KALRN: variants seen among roughly 807,000 people sequenced by gnomAD.
KALRN encodes the protein kalirin.
In KALRN, 70 loss-of-function variants were observed where a neutral mutation model predicts 353.7. That is an observed-to-expected ratio of 0.20 (90% CI 0.16 to 0.24). The LOEUF (loss-of-function observed/expected upper bound fraction) is 0.24. Ranked by LOEUF, KALRN falls within the 10% of genes least tolerant of loss-of-function variation. The pLI is 1.00. For missense variants in KALRN, 2,791 were observed against 3,756.7 expected (o/e 0.74, Z 6.72); for synonymous variants, 1,391 against 1,434.8 (o/e 0.97, Z 0.69).
intron 3 of KALRN, among the ~76,000 whole-genome samples, chr3:124,247,899 C>G (rs2070549761): frequency 6.6e-6 from 1 of 152,116 alleles, no homozygotes; most frequent in South Asian, 2.1e-4. Context: ...AAAAAGTCTC[C>G]CCCTCGCCTT....
intron 31 of KALRN, among the ~76,000 whole-genome samples, chr3:124,492,365 T>G (rs2063258925): frequency 1.3e-5 from 2 of 152,152 alleles, no homozygotes; most frequent in Admixed American, 1.3e-4. Context: ...ATGCTGCCCC[T>G]CCCAGTGCCC....
rs78943373 is a variant in KALRN at position 124,598,193 on chromosome 3, T to C, written c.5183-34227T>C. Among the ~76,000 whole-genome samples the C allele has an allele frequency of 9.6e-3, 1,459 of 152,356 alleles. 23 individuals are homozygous for C. The highest frequency in any genetic ancestry group is 0.033 in the African/African-American group (1,369 of 41,588). ...TTCTGGGGGAAATCAGCTGCTCCTCTGGAGGCCCAAGTCCATCTGAAATCA... is the reference window on the plus strand; with the variant it reads ...TTCTGGGGGAAATCAGCTGCTCCTCCGGAGGCCCAAGTCCATCTGAAATCA... On this transcript the variant is annotated intron_variant, in intron 34 of 59. Coordinates refer to ENST00000682506, the MANE Select transcript of KALRN (RefSeq NM_001388419.1).
At chr3:124,177,531 G>A (rs1160214631) in intron 1 of KALRN, among the ~76,000 whole-genome samples, 3 of 152,336 alleles carry the variant, frequency 2.0e-5, no homozygotes, top group Admixed American at 1.3e-4. Flanking sequence ...TGCAGTAGTA[G>A]TTGGTGAAGT....
chr3:124,483,344 A>T (rs576698267), intron 28 of KALRN, among the ~76,000 whole-genome samples: 4 of 152,194 alleles, frequency 2.6e-5, no homozygotes, highest in Non-Finnish European at 5.9e-5. Context: ...TGGGGCCAGG[A>T]GTTTGAGACC....
At chr3:124,145,325 G>A (rs1578578015) in intron 1 of KALRN, among the ~76,000 whole-genome samples, 2 of 152,270 alleles carry the variant, frequency 1.3e-5, no homozygotes, top group South Asian at 2.1e-4. Context: ...TTTCACCCTA[G>A]CCACACGTTG....
At chr3:124,268,690 C>T (rs2073842207) in intron 4 of KALRN, 53 bp from the exon 5 acceptor site, 1 of 1,578,270 alleles carries the variant, frequency 6.3e-7, no homozygotes, top group Non-Finnish European at 8.7e-7. Context: ...TATTTCTGCC[C>T]TGTTCTTCCC....
intron 34 of KALRN, among the ~76,000 whole-genome samples, chr3:124,584,378 C>T (rs2074911044): frequency 6.6e-6 from 1 of 152,190 alleles, no homozygotes; most frequent in Admixed American, 6.5e-5. Context: ...GTCTGCCCCT[C>T]TCTTACCTCT....
Position 124,648,043 on chromosome 3 carries a change from C to T in KALRN, c.5665-2765C>T, listed in dbSNP as rs76445378. 7.6e-3 allele frequency among the ~76,000 whole-genome samples: 1,153 copies of T among 152,312 alleles called. 12 individuals are homozygous for T. Among genetic ancestry groups the T allele is most frequent in the Non-Finnish European group, 0.013 (905 of 68,024 alleles). On this transcript the variant is annotated intron_variant, in intron 37 of 59. Transcript: ENST00000682506. ...CTGAGCTCCAGGTGGGGCATAAGTCCTCACTGTGGCAGAAACCTGGCCACC... is the reference window on the plus strand; with the variant it reads ...CTGAGCTCCAGGTGGGGCATAAGTCTTCACTGTGGCAGAAACCTGGCCACC...
chr3:124,366,265 A>G (rs962864051), intron 10 of KALRN, among the ~76,000 whole-genome samples: 13 of 147,364 alleles, frequency 8.8e-5, no homozygotes, highest in Admixed American at 8.1e-4. Flanking sequence ...GGGATTTGCC[A>G]GGGTCATGGG....
chr3:124,632,925 C>T (rs2149835617), intron 35 of KALRN, among the ~76,000 whole-genome samples: 1 of 152,338 alleles, frequency 6.6e-6, no homozygotes, highest in South Asian at 2.1e-4. Context: ...AACCATTTGC[C>T]AGATTTGGAG....
intron 18 of KALRN, among the ~76,000 whole-genome samples, chr3:124,439,344 G>T (rs1329942259): frequency 6.6e-6 from 1 of 152,008 alleles, no homozygotes; most frequent in Non-Finnish European, 1.5e-5. Context: ...AGGGTGAAAG[G>T]TTACATTTCC....
chr3:124,446,334 C>T (rs917948173), intron 20 of KALRN, 58 bp downstream of exon 20: 10 of 1,282,788 alleles, frequency 7.8e-6, no homozygotes, highest in Admixed American at 3.6e-5. Context: ...AGAGGCCCAT[C>T]ACCAAGGCTT....
At chr3:124,679,925 C>T (rs2087597723) in intron 51 of KALRN, among the ~76,000 whole-genome samples, 1 of 152,178 alleles carries the variant, frequency 6.6e-6, no homozygotes, top group African/African-American at 2.4e-5. Context: ...CTTTTGTTTT[C>T]CCCTCCTCCG....
chr3:124,254,221 A>G (rs1275894577), intron 3 of KALRN, among the ~76,000 whole-genome samples: 2 of 152,024 alleles, frequency 1.3e-5, no homozygotes, highest in Non-Finnish European at 2.9e-5. Flanking sequence ...CAGAGTTCTC[A>G]TGGTTTTATA....
In KALRN at chr3:124,414,994, C is replaced by T. The variant is rs577579588; in HGVS notation, c.2542+1329C>T. ...GACCAGCATTCAAAGGGACTTCACT[C>T]CTGACCAGAGGAGAGACAGTCTAGT... On this transcript the variant is annotated intron_variant, in intron 14 of 59. Transcript: ENST00000682506. Among the ~76,000 whole-genome samples, 5 of 152,362 alleles carry T rather than the reference C, an allele frequency of 3.3e-5. No individual in the cohort carries two copies. The South Asian group carries it at 1.0e-3, about 32-fold the overall frequency.
intron 57 of KALRN, among the ~76,000 whole-genome samples, chr3:124,706,146 G>A (rs2062603385): frequency 6.6e-6 from 1 of 152,140 alleles, no homozygotes; most frequent in Non-Finnish European, 1.5e-5. Context: ...GTTTCAAGCA[G>A]TCCTCCCGCC....
At chr3:124,254,952 A>ATTT (rs1553876375) in intron 3 of KALRN, among the ~76,000 whole-genome samples, 2 of 109,186 alleles carry the variant, frequency 1.8e-5, no homozygotes, top group African/African-American at 2.7e-5. Flanking sequence ...ATATATATAT[A>ATTT]TTTTTTTTTT....
At chr3:124,166,150 C>T (rs908813814) in intron 1 of KALRN, among the ~76,000 whole-genome samples, 1 of 152,118 alleles carries the variant, frequency 6.6e-6, no homozygotes, top group Non-Finnish European at 1.5e-5. Flanking sequence ...ACCATCCCAG[C>T]GTCACACCCC....
intron 5 of KALRN, among the ~76,000 whole-genome samples, chr3:124,288,832 G>T (rs2076175115): frequency 1.3e-5 from 2 of 152,146 alleles, no homozygotes; most frequent in Non-Finnish European, 2.9e-5. Context: ...TGAGAAAATA[G>T]AGAAAAAGTT....
Sources: gnomAD v4.1 joint callset for allele counts (sites outside exome capture counted in the v4.1 genomes callset) on GRCh38, gnomAD v4.1.1 for gene constraint, MANE v1.5 for transcripts, NCBI Gene and HGNC (gene_info 2026-07-23, HGNC 2026-07-21) for gene names.